SBF2: variants seen among roughly 807,000 people sequenced by gnomAD.
SBF2 encodes myotubularin-related protein 13.
SBF2 carries 112 observed loss-of-function variants against 225.2 expected under a neutral mutation model. The observed-to-expected ratio is 0.50, with a 90% CI of 0.43 to 0.58. The LOEUF (loss-of-function observed/expected upper bound fraction) is 0.58. SBF2 is among the 20% of genes least tolerant of loss of function. SBF2 has a pLI of 0.00. For missense variants in SBF2, 1,996 were observed against 2,206.2 expected, an observed-to-expected ratio of 0.90 and a Z score of 1.91; for synonymous variants, 763 against 773.3, an observed-to-expected ratio of 0.99 and a Z score of 0.22.
intron 29 of SBF2, among the ~76,000 whole-genome samples, chr11:9,815,435 G>C (rs561876072): frequency 6.7e-6 from 1 of 149,276 alleles, no homozygotes; most frequent in East Asian, 1.9e-4. Flanking sequence ...CCTAGCGACA[G>C]AGTGAGACTC....
chr11:10,228,336 T>A (rs1158116037), intron 1 of SBF2, among the ~76,000 whole-genome samples: 1 of 152,204 alleles, frequency 6.6e-6, no homozygotes, highest in African/African-American at 2.4e-5. Flanking sequence ...CTGATTGCCC[T>A]GGCCAGAACT....
At chr11:10,201,926 G>A (rs1957583779) in intron 1 of SBF2, among the ~76,000 whole-genome samples, 1 of 152,294 alleles carries the variant, frequency 6.6e-6, no homozygotes, top group South Asian at 2.1e-4. Flanking sequence ...AACAAGGTAT[G>A]TCATTAAAAA....
At position 9,989,505 on chromosome 11, in the gene SBF2, A is replaced by G. The variant is rs142996856; in HGVS notation, c.1387T>C (p.Phe463Leu). ...KHVRELAEQL[F>L]KNENPNPHMA... ...TAAATATACTTACTTACATTTTTGA[A>G]TAGTTGCTCAGCAAGTTCCCTGACA... Residue 463 changes from phenylalanine to leucine, a missense_variant, in exon 13 of 40, where the codon TTC becomes CTC. By Grantham distance (22) the Phe-to-Leu change is conservative (BLOSUM62 0). Coordinates refer to ENST00000256190, the MANE Select transcript of SBF2 (RefSeq NM_030962.4). 25 of 1,574,936 alleles carry G rather than the reference A, an allele frequency of 1.6e-5. No individual in the cohort carries two copies. Among genetic ancestry groups the G allele is most frequent in the Non-Finnish European group, 2.2e-5 (25 of 1,146,548 alleles).
chr11:9,908,639 T>G (rs1862311353), intron 16 of SBF2, among the ~76,000 whole-genome samples: 1 of 149,584 alleles, frequency 6.7e-6, no homozygotes, highest in African/African-American at 2.5e-5. Flanking sequence ...AAAAAAAAAG[T>G]CTTATCTTTA....
At chr11:10,114,186 G>T (rs1953021811) in intron 2 of SBF2, among the ~76,000 whole-genome samples, 1 of 152,104 alleles carries the variant, frequency 6.6e-6, no homozygotes, top group Non-Finnish European at 1.5e-5. Context: ...ATTAGATAAT[G>T]CATGTATTTA....
intron 15 of SBF2, among the ~76,000 whole-genome samples, 158 bp downstream of exon 15, chr11:9,963,615 A>C (rs553853760): frequency 2.0e-5 from 3 of 152,360 alleles, no homozygotes; most frequent in Non-Finnish European, 1.5e-5. Context: ...AACAGCTTTA[A>C]ATCTTAGACA....
Position 9,829,483 on chromosome 11 carries a change from AGAG to A in SBF2, c.3663_3665del (p.Ser1222del). ...GTTCTATGCTACTGGAAGATTCTAA[AGAG>A]GAGGTAGGAGCTATAAAAGGAAAAT... On this transcript the variant is annotated inframe_deletion, in exon 28 of 40. Transcript: ENST00000256190. The A allele has an allele frequency of 6.2e-7, 1 of 1,611,968 alleles. No homozygotes were observed. Among genetic ancestry groups the A allele is most frequent in the Middle Eastern group, 1.7e-4 (1 of 6,060 alleles).
intron 1 of SBF2, among the ~76,000 whole-genome samples, chr11:10,258,081 T>TACACACACACACAC (rs57653852): frequency 3.6e-5 from 5 of 138,938 alleles, no homozygotes; most frequent in Non-Finnish European, 4.6e-5. Context: ...TACACACACA[T>TACACACACACACAC]ACACACACAC....
chr11:10,196,866 A>ATATATATATATTTTTTTTT, intron 1 of SBF2, among the ~76,000 whole-genome samples: 22 of 99,298 alleles, frequency 2.2e-4, no homozygotes, highest in African/African-American at 8.1e-4. Context: ...ATATATATAT[A>ATATATATATATTTTTTTTT]TTTTTTTTTT....
chr11:10,179,015 TA>T (rs1333315920), intron 2 of SBF2, among the ~76,000 whole-genome samples: 2 of 141,118 alleles, frequency 1.4e-5, no homozygotes, highest in Non-Finnish European at 3.1e-5. Context: ...TATGCAGCCA[TA>T]AAAAATGATG....
chr11:9,898,925 T>C (rs896894903), intron 16 of SBF2, among the ~76,000 whole-genome samples: 6 of 151,986 alleles, frequency 3.9e-5, no homozygotes, highest in Admixed American at 6.6e-5. Context: ...GGGAAAGATA[T>C]GTATTTATAT....
At chr11:9,886,068 A>C (rs1433888816) in intron 17 of SBF2, among the ~76,000 whole-genome samples, 1 of 152,228 alleles carries the variant, frequency 6.6e-6, no homozygotes, top group Non-Finnish European at 1.5e-5. Context: ...AAGAAAATGT[A>C]CTTGGAGGGG....
intron 1 of SBF2, among the ~76,000 whole-genome samples, chr11:10,210,935 C>T (rs554735369): frequency 7.2e-6 from 1 of 139,338 alleles, no homozygotes; most frequent in South Asian, 2.4e-4. Context: ...ATCGTTTGAA[C>T]CCAGGAGGCG....
At chr11:9,888,749 T>G (rs2134111159) in intron 17 of SBF2, among the ~76,000 whole-genome samples, 1 of 152,280 alleles carries the variant, frequency 6.6e-6, no homozygotes, top group East Asian at 1.9e-4. Context: ...AAATTGGAAC[T>G]CATTTGAAGA....
At chr11:9,804,619 C>A (rs1428162707) in intron 32 of SBF2, among the ~76,000 whole-genome samples, 1 of 152,202 alleles carries the variant, frequency 6.6e-6, no homozygotes, top group Non-Finnish European at 1.5e-5. Context: ...CCCTTGGTCA[C>A]TGGTCCCAGG....
intron 2 of SBF2, among the ~76,000 whole-genome samples, chr11:10,123,042 C>G (rs1436379753): frequency 6.6e-6 from 1 of 152,148 alleles, no homozygotes; most frequent in East Asian, 1.9e-4. Context: ...AGTCACCACA[C>G]AGGCAGCTCT....
intron 16 of SBF2, among the ~76,000 whole-genome samples, chr11:9,925,315 T>A (rs182857777): frequency 6.6e-6 from 1 of 152,220 alleles, no homozygotes; most frequent in East Asian, 1.9e-4. Flanking sequence ...TAGATGGAGT[T>A]TTGCTCTTGG....
At chr11:10,079,229 C>T (rs1951257759) in intron 2 of SBF2, among the ~76,000 whole-genome samples, 1 of 152,106 alleles carries the variant, frequency 6.6e-6, no homozygotes, top group Admixed American at 6.6e-5. Flanking sequence ...AAAGAAATCT[C>T]ACAACAATGT....
At chr11:10,263,411 G>GC (rs1961631939) in intron 1 of SBF2, among the ~76,000 whole-genome samples, 1 of 152,042 alleles carries the variant, frequency 6.6e-6, no homozygotes, top group African/African-American at 2.4e-5. Flanking sequence ...TAGAGGGGTT[G>GC]CCCTGACTTC....
Sources: allele counts gnomAD v4.1 joint callset (sites outside exome capture counted in the v4.1 genomes callset), GRCh38; gene constraint gnomAD v4.1.1; transcripts MANE v1.5; gene names NCBI Gene and HGNC (gene_info 2026-07-23, HGNC 2026-07-21).